Variants in EBF1 observed in about 807,000 individuals in gnomAD.
EBF1 encodes the protein transcription factor COE1.
A neutral mutation model predicts 68.4 loss-of-function variants in EBF1; 10 were observed. That is an observed-to-expected ratio of 0.15 (90% CI 0.09 to 0.25). The LOEUF is 0.25. EBF1 is among the 10% of genes least tolerant of loss of function. The pLI, the probability that EBF1 is intolerant of heterozygous loss-of-function variation, is 1.00. For missense variants in EBF1, 509 were observed against 794.4 expected (o/e 0.64, Z 4.32); for synonymous variants, 298 against 299.8 (o/e 0.99, Z 0.06).
At chr5:158,740,049 C>T (rs1306842763) in intron 10 of EBF1, among the ~76,000 whole-genome samples, 1 of 152,190 alleles carries the variant, frequency 6.6e-6, no homozygotes, top group Non-Finnish European at 1.5e-5. Context: ...GATCCCTTTT[C>T]ACTGGAAAAT....
intron 6 of EBF1, among the ~76,000 whole-genome samples, chr5:158,988,028 T>C (rs983545191): frequency 2.0e-5 from 3 of 152,198 alleles, no homozygotes; most frequent in Admixed American, 1.3e-4. Context: ...GCACCGTTTA[T>C]AACACAGACA....
At chr5:159,004,277 CAAA>C (rs34981790) in intron 6 of EBF1, among the ~76,000 whole-genome samples, 5 of 120,600 alleles carry the variant, frequency 4.1e-5, no homozygotes, top group Non-Finnish European at 5.1e-5. Context: ...ACTCCATCTC[CAAA>C]AAAAAAAAAA....
At chr5:158,838,521 A>G (rs1789396796) in intron 7 of EBF1, among the ~76,000 whole-genome samples, 1 of 152,148 alleles carries the variant, frequency 6.6e-6, no homozygotes, top group South Asian at 2.1e-4. Context: ...AAGGTGGTGA[A>G]GCCAAGATGA....
chr5:158,703,262 G>A (rs1349180212), intron 15 of EBF1, among the ~76,000 whole-genome samples: 1 of 152,204 alleles, frequency 6.6e-6, no homozygotes, highest in Non-Finnish European at 1.5e-5. Context: ...GGTAGTCTGG[G>A]ACCAGGATTT....
chr5:158,722,209 C>T (rs553832887), intron 11 of EBF1, among the ~76,000 whole-genome samples: 167 of 152,284 alleles, frequency 1.1e-3, no homozygotes, highest in South Asian at 9.1e-3. Flanking sequence ...GACAGAGATG[C>T]CTTTTTCAGG....
chr5:159,058,504 A>G (rs940359457), intron 6 of EBF1, among the ~76,000 whole-genome samples: 7 of 152,178 alleles, frequency 4.6e-5, no homozygotes, highest in African/African-American at 1.7e-4. Flanking sequence ...AAATCTGGAG[A>G]TACCCTTTCA....
At chr5:158,783,145 C>T (rs1776746563) in intron 9 of EBF1, among the ~76,000 whole-genome samples, 1 of 152,126 alleles carries the variant, frequency 6.6e-6, no homozygotes, top group Non-Finnish European at 1.5e-5. Context: ...TCTCTGTCTG[C>T]CTCTTCCTCC....
intron 15 of EBF1, among the ~76,000 whole-genome samples, chr5:158,701,015 A>G (rs1756631737): frequency 1.3e-5 from 2 of 152,194 alleles, no homozygotes; most frequent in Non-Finnish European, 2.9e-5. Context: ...TCGAGATGCT[A>G]TCACTCCAAA....
chr5:159,006,576 T>A (rs1763584752), intron 6 of EBF1, among the ~76,000 whole-genome samples: 2 of 137,754 alleles, frequency 1.5e-5, no homozygotes, highest in African/African-American at 5.5e-5. Flanking sequence ...TTTCAGGTAA[T>A]CCCATCTTTG....
At chr5:158,895,860 G>C (rs1368006660) in intron 6 of EBF1, among the ~76,000 whole-genome samples, 1 of 152,130 alleles carries the variant, frequency 6.6e-6, no homozygotes, top group Non-Finnish European at 1.5e-5. Context: ...AAACTCCTGA[G>C]ATCAGCCAAA....
intron 9 of EBF1, among the ~76,000 whole-genome samples, chr5:158,787,826 T>C (rs1198384473): frequency 2.0e-5 from 3 of 152,246 alleles, no homozygotes; most frequent in Admixed American, 6.5e-5. Context: ...TTACTTCTAT[T>C]ACTACTCAAT....
intron 10 of EBF1, among the ~76,000 whole-genome samples, chr5:158,769,230 T>C (rs954513022): frequency 1.3e-5 from 2 of 152,176 alleles, no homozygotes; most frequent in Non-Finnish European, 2.9e-5. Flanking sequence ...GGACCGTTGG[T>C]TATGGTCTGT....
chr5:158,754,876 G>A (rs887485565), intron 10 of EBF1, among the ~76,000 whole-genome samples: 1 of 152,096 alleles, frequency 6.6e-6, no homozygotes, highest in Non-Finnish European at 1.5e-5. Flanking sequence ...AATTTTAATT[G>A]CAAGGAATTT....
At chr5:158,883,350 A>ATATATATACACACACATACATGCATG (rs1562210515) in intron 6 of EBF1, among the ~76,000 whole-genome samples, 151 of 25,868 alleles carry the variant, frequency 5.8e-3, no homozygotes, top group South Asian at 0.018. Context: ...ACATGCATGT[A>ATATATATACACACACATACATGCATG]TATATATATA....
intron 9 of EBF1, among the ~76,000 whole-genome samples, chr5:158,790,072 G>A (rs532481888): frequency 5.9e-5 from 9 of 152,244 alleles, no homozygotes; most frequent in East Asian, 3.9e-4. Flanking sequence ...TTCATGCCCC[G>A]TGTCTGGGAA....
At chr5:159,063,857 T>C (rs975455279) in intron 6 of EBF1, among the ~76,000 whole-genome samples, 1 of 152,204 alleles carries the variant, frequency 6.6e-6, no homozygotes, top group East Asian at 1.9e-4. Context: ...TGCTAGGTGT[T>C]TCAATCCTCA....
chr5:158,698,464 A>AAGAC lies in EBF1; in HGVS notation c.*643_*646dup, dbSNP rs1756093833. 4.5e-6 allele frequency: 1 copy of AAGAC among 220,258 alleles called. No individual in the cohort carries two copies. The highest frequency in any genetic ancestry group is 2.2e-5 in the African/African-American group (1 of 44,532). 13.6% of individuals were successfully genotyped at this position (220,258 alleles called of 1,614,324 possible). ...GCTGCATTTATTTACACAGTTGCTT[A>AAGAC]AGACAACAATACAAAAGAGATAAAT... On this transcript the variant is annotated 3_prime_UTR_variant, in exon 16 of 16. Transcript: ENST00000313708.
At chr5:158,948,787 C>T (rs1216366701) in intron 6 of EBF1, among the ~76,000 whole-genome samples, 2 of 152,182 alleles carry the variant, frequency 1.3e-5, no homozygotes, top group African/African-American at 2.4e-5. Context: ...GCCGAGCTCT[C>T]GATGGTTATC....
intron 10 of EBF1, among the ~76,000 whole-genome samples, chr5:158,743,713 G>T (rs1766945824): frequency 6.6e-6 from 1 of 152,170 alleles, no homozygotes; most frequent in African/African-American, 2.4e-5. Flanking sequence ...ATGGGGGATG[G>T]CTGACATTTC....
Sources: gnomAD v4.1 joint callset for allele counts (sites outside exome capture counted in the v4.1 genomes callset) on GRCh38, gnomAD v4.1.1 for gene constraint, MANE v1.5 for transcripts, NCBI Gene and HGNC (gene_info 2026-07-23, HGNC 2026-07-21) for gene names.